PTPRD: variants seen among roughly 807,000 people sequenced by gnomAD.
PTPRD encodes the protein receptor-type tyrosine-protein phosphatase delta.
In PTPRD, 34 loss-of-function variants were observed where a neutral mutation model predicts 214.5. The ratio of observed to expected loss-of-function variants is 0.16; its 90% CI spans 0.12 to 0.21. The LOEUF (loss-of-function observed/expected upper bound fraction) is 0.21, where lower values mean the gene tolerates loss of function less well. Among genes scored for constraint, PTPRD ranks in the 10% least tolerant of loss-of-function variants. The pLI, the probability that PTPRD is intolerant of heterozygous loss-of-function variation, is 1.00. For synonymous variants in PTPRD, 1,128 were observed against 845.7 expected, an observed-to-expected ratio of 1.33 and a Z score of -5.79; for missense variants, 2,545 against 2,398.7, an observed-to-expected ratio of 1.06 and a Z score of -1.27.
At chr9:9,933,078 C>T (rs1177122482) in intron 5 of PTPRD, among the ~76,000 whole-genome samples, 25 of 152,080 alleles carry the variant, frequency 1.6e-4, no homozygotes, top group African/African-American at 3.4e-4. Context: ...CTGAAGGAAG[C>T]GCTAAACATG....
At chr9:9,439,177 A>T (rs907861000) in intron 8 of PTPRD, among the ~76,000 whole-genome samples, 3 of 130,504 alleles carry the variant, frequency 2.3e-5, no homozygotes, top group Non-Finnish European at 3.3e-5. Flanking sequence ...AATAAACAAG[A>T]TCTGTTAATA....
Position 9,137,607 on chromosome 9 carries a change from G to C in PTPRD, c.-143+45697C>G, listed in dbSNP as rs553499078. On this transcript the variant is annotated intron_variant, in intron 10 of 45. Transcript: ENST00000381196. ...GATGAACTTCTTTATGAAATGTGTTGAACAAGGACTGGTGCTGTTTTCTAA... is the reference window on the plus strand; with the variant it reads ...GATGAACTTCTTTATGAAATGTGTTCAACAAGGACTGGTGCTGTTTTCTAA... Among the ~76,000 whole-genome samples the C allele has an allele frequency of 2.6e-5, 4 of 152,210 alleles. No individual in the cohort carries two copies. The South Asian group carries it at 8.3e-4, about 32-fold the overall frequency.
chr9:9,371,245 AC>A (rs2059411858), intron 9 of PTPRD, among the ~76,000 whole-genome samples: 1 of 151,844 alleles, frequency 6.6e-6, no homozygotes, highest in Non-Finnish European at 1.5e-5. Context: ...CTGGTCCTGG[AC>A]TTTTTTTGGT....
At chr9:8,810,022 G>T (rs1025778648) in intron 11 of PTPRD, among the ~76,000 whole-genome samples, 6 of 152,126 alleles carry the variant, frequency 3.9e-5, no homozygotes, top group African/African-American at 1.4e-4. Flanking sequence ...CAATTCATCA[G>T]TCCTCTGGGC....
intron 2 of PTPRD, among the ~76,000 whole-genome samples, chr9:10,378,620 C>T (rs2097770294): frequency 6.6e-6 from 1 of 151,888 alleles, no homozygotes. Flanking sequence ...AAAATGAGTT[C>T]ACCATAGGTA....
At chr9:9,525,172 A>G (rs1405366676) in intron 8 of PTPRD, among the ~76,000 whole-genome samples, 2 of 152,082 alleles carry the variant, frequency 1.3e-5, no homozygotes, top group Non-Finnish European at 2.9e-5. Context: ...AGGAGTTTTT[A>G]TAGAAACTGA....
At chr9:10,154,213 C>A (rs533720332) in intron 3 of PTPRD, among the ~76,000 whole-genome samples, 1 of 152,170 alleles carries the variant, frequency 6.6e-6, no homozygotes, top group African/African-American at 2.4e-5. Context: ...TTGCATTTCA[C>A]TAATAATCAG....
intron 35 of PTPRD, among the ~76,000 whole-genome samples, chr9:8,422,391 T>C (rs1303425172): frequency 6.6e-6 from 1 of 151,886 alleles, no homozygotes; most frequent in Non-Finnish European, 1.5e-5. Flanking sequence ...CTTTAGGAGG[T>C]AATATGATGG....
chr9:9,220,013 T>C (rs7031995), intron 9 of PTPRD, among the ~76,000 whole-genome samples: 65,919 of 151,992 alleles, frequency 0.43, 14,520 homozygotes, highest in Non-Finnish European at 0.47. Context: ...AACGGTATCA[T>C]AAAATACTCT....
chr9:10,482,349 C>A (rs571835470), intron 2 of PTPRD, among the ~76,000 whole-genome samples: 9 of 151,282 alleles, frequency 5.9e-5, no homozygotes, highest in Non-Finnish European at 1.3e-4. Flanking sequence ...CCAGCCTGGG[C>A]GACAGAGCAA....
At chr9:9,391,232 A>G (rs549032673) in intron 9 of PTPRD, among the ~76,000 whole-genome samples, 6 of 152,288 alleles carry the variant, frequency 3.9e-5, no homozygotes, top group African/African-American at 7.2e-5. Flanking sequence ...ACATATCAGT[A>G]TTTTCCAAGG....
rs200368919 is a variant in PTPRD, at chr9:8,636,803, C to A, written c.106G>T (p.Val36Phe). The stretch of plus-strand genomic sequence containing the variant: ...ATGAAAGAGGCAACTCCGCCAGAGA[C>A]CCCTGTCTGATCAACGGGTGTTCGT... ...FTRTPVDQTG[V>F]SGGVASFICQ... is the part of the protein sequence containing the mutation. The change falls in exon 13 of 46, where the codon GTC becomes TTC. Residue 36 changes from valine to phenylalanine, a missense_variant. Physicochemically the swap from Val to Phe is conservative, Grantham distance 50. Coordinates refer to ENST00000381196, the MANE Select transcript of PTPRD (RefSeq NM_002839.4). 1.2e-6 allele frequency: 2 copies of A among 1,613,900 alleles called. No individual in the cohort carries two copies. Among genetic ancestry groups the A allele is most frequent in the Non-Finnish European group, 1.7e-6 (2 of 1,179,936 alleles).
chr9:8,448,202 CCAGTAGTCCCAGCTACTTGGGAAG>C (rs1276948238), intron 34 of PTPRD, among the ~76,000 whole-genome samples: 1 of 151,972 alleles, frequency 6.6e-6, no homozygotes, highest in Non-Finnish European at 1.5e-5. Context: ...GTGGCGTGCC[CCAGTAGTCCCAGCTACTTGGGAAG>C]CTGAGGTAGG....
At chr9:9,118,323 T>A (rs1591914428) in intron 10 of PTPRD, among the ~76,000 whole-genome samples, 1 of 152,314 alleles carries the variant, frequency 6.6e-6, no homozygotes, top group East Asian at 1.9e-4. Context: ...CTGTATAGAT[T>A]CACAAGCGGA....
At chr9:9,136,651 T>TTTTTGAAAA (rs1414299005) in intron 10 of PTPRD, among the ~76,000 whole-genome samples, 5 of 152,190 alleles carry the variant, frequency 3.3e-5, no homozygotes, top group Non-Finnish European at 7.4e-5. Flanking sequence ...ATTTTTCAAC[T>TTTTTGAAAA]GCAGTGTTTC....
At chr9:8,703,397 C>G (rs996079608) in intron 12 of PTPRD, among the ~76,000 whole-genome samples, 5 of 152,182 alleles carry the variant, frequency 3.3e-5, no homozygotes, top group Admixed American at 2.6e-4. Context: ...AATTATTCCT[C>G]TTTACCCTTT....
At chr9:9,900,238 C>T (rs1283484149) in intron 5 of PTPRD, among the ~76,000 whole-genome samples, 1 of 152,166 alleles carries the variant, frequency 6.6e-6, no homozygotes, top group Non-Finnish European at 1.5e-5. Flanking sequence ...AACTTTAAAT[C>T]ATTTTGTACT....
At chr9:9,764,438 GAA>G (rs764962023) in intron 6 of PTPRD, among the ~76,000 whole-genome samples, 1 of 152,034 alleles carries the variant, frequency 6.6e-6, no homozygotes, top group African/African-American at 2.4e-5. Context: ...CCACTTCAAA[GAA>G]AAGAGTGCCC....
chr9:10,516,367 T>G (rs1487287154), intron 2 of PTPRD, among the ~76,000 whole-genome samples: 2 of 151,972 alleles, frequency 1.3e-5, no homozygotes, highest in Non-Finnish European at 2.9e-5. Context: ...CATTTTTATG[T>G]CTTCTTTGGA....
Sources: gnomAD v4.1 joint callset for allele counts (sites outside exome capture counted in the v4.1 genomes callset) on GRCh38, gnomAD v4.1.1 for gene constraint, MANE v1.5 for transcripts, NCBI Gene and HGNC (gene_info 2026-07-23, HGNC 2026-07-21) for gene names.